Variants in SUMF1 observed in about 807,000 individuals in gnomAD.
The protein encoded by SUMF1 is sulfatase modifying factor 1, also known as formylglycine-generating enzyme.
Under a neutral mutation model 47.6 loss-of-function variants are expected in SUMF1, and 48 were observed. The observed-to-expected ratio is 1.01, with a 90% CI of 0.80 to 1.28. The LOEUF is 1.28. Ranked by LOEUF, SUMF1 falls within the 50% of genes most tolerant of loss-of-function variation. SUMF1 has a pLI of 0.00. For synonymous variants in SUMF1, 230 were observed against 192.1 expected (o/e 1.20, Z -1.63); for missense variants, 571 against 485.4 (o/e 1.18, Z -1.66).
At chr3:4,039,209 ATTTTTTTT>A (rs775459424) in intron 9 of SUMF1, among the ~76,000 whole-genome samples, 6 of 39,472 alleles carry the variant, frequency 1.5e-4, no homozygotes, top group East Asian at 1.6e-3. Flanking sequence ...ATCTATGCAA[ATTTTTTTT>A]TTTTTTTTTT....
At chr3:4,246,080 A>T (rs1298058553) in intron 8 of SUMF1, among the ~76,000 whole-genome samples, 1 of 152,152 alleles carries the variant, frequency 6.6e-6, no homozygotes, top group Non-Finnish European at 1.5e-5. Flanking sequence ...TACGGGAGGG[A>T]ATCTCCTGGT....
At chr3:4,275,191 A>G (rs149734143) in intron 8 of SUMF1, among the ~76,000 whole-genome samples, 45 of 152,320 alleles carry the variant, frequency 3.0e-4, no homozygotes, top group African/African-American at 9.9e-4. Flanking sequence ...TGGTAGAATA[A>G]TAGAAGCAAG....
chr3:4,161,523 CT>C (rs1342071021), intron 8 of SUMF1, among the ~76,000 whole-genome samples: 2 of 152,134 alleles, frequency 1.3e-5, no homozygotes, highest in Non-Finnish European at 2.9e-5. Context: ...AGACAAAGTC[CT>C]TCCCACTTTC....
At chr3:4,299,808 T>A (rs1317589485) in intron 8 of SUMF1, among the ~76,000 whole-genome samples, 1 of 152,058 alleles carries the variant, frequency 6.6e-6, no homozygotes, top group Non-Finnish European at 1.5e-5. Flanking sequence ...AGACTCCACC[T>A]CAAAAAATAA....
At position 4,209,324 on chromosome 3, in the gene SUMF1, A is replaced by G. The variant is rs1695728159; in HGVS notation, c.1015-140579T>C. 2.0e-5 allele frequency among the ~76,000 whole-genome samples: 3 copies of G among 152,190 alleles called. No homozygotes were observed. The South Asian group carries it at 6.2e-4, about 32-fold the overall frequency. On this transcript the variant is annotated intron_variant and NMD_transcript_variant, in intron 8 of 12. Coordinates refer to the SUMF1 transcript ENST00000448413. ...AGGTACTGTTTAATTATGTGCAAAC[A>G]TCATGGAGAACAAAACACTAACTGA... is the stretch of plus-strand genomic sequence containing the variant.
chr3:4,185,487 C>T (rs1695182356), intron 8 of SUMF1, among the ~76,000 whole-genome samples: 1 of 152,176 alleles, frequency 6.6e-6, no homozygotes, highest in Non-Finnish European at 1.5e-5. Flanking sequence ...TTTCTGTCCT[C>T]AACAGATATA....
At chr3:4,187,104 T>A (rs1410182543) in intron 8 of SUMF1, among the ~76,000 whole-genome samples, 1 of 152,194 alleles carries the variant, frequency 6.6e-6, no homozygotes, top group African/African-American at 2.4e-5. Flanking sequence ...GCACAATGGC[T>A]CATGCCTATA....
At chr3:4,127,954 G>A (rs1559493172) in intron 8 of SUMF1, among the ~76,000 whole-genome samples, 3 of 152,182 alleles carry the variant, frequency 2.0e-5, no homozygotes, top group African/African-American at 4.8e-5. Flanking sequence ...CTGATTCATC[G>A]CTCATGAAAG....
chr3:4,287,597 C>T (rs184676630), intron 8 of SUMF1, among the ~76,000 whole-genome samples: 1 of 152,214 alleles, frequency 6.6e-6, no homozygotes, highest in South Asian at 2.1e-4. Flanking sequence ...AAGATAGGAC[C>T]TCACCAAAAG....
intron 8 of SUMF1, among the ~76,000 whole-genome samples, chr3:4,261,042 TA>T (rs1697075089): frequency 6.6e-6 from 1 of 152,156 alleles, no homozygotes; most frequent in Non-Finnish European, 1.5e-5. Context: ...GATAAGTTGT[TA>T]CACCAACAAT....
At chr3:4,370,386 C>T (rs1700133153) in intron 8 of SUMF1, among the ~76,000 whole-genome samples, 1 of 152,208 alleles carries the variant, frequency 6.6e-6, no homozygotes, top group Non-Finnish European at 1.5e-5. Context: ...TGTGGATATA[C>T]ATTTGCTACA....
chr3:4,222,000 T>A (rs1260396580), intron 8 of SUMF1, among the ~76,000 whole-genome samples: 1 of 152,000 alleles, frequency 6.6e-6, no homozygotes, highest in Non-Finnish European at 1.5e-5. Flanking sequence ...ATTTTCATTG[T>A]AAAAAAATTT....
At chr3:4,276,679 T>C (rs1246877397) in intron 8 of SUMF1, among the ~76,000 whole-genome samples, 3 of 152,192 alleles carry the variant, frequency 2.0e-5, no homozygotes, top group African/African-American at 7.2e-5. Context: ...ATAAATTTTC[T>C]ATGGTTCTTG....
chr3:4,420,912 C>A (rs1020886525), intron 3 of SUMF1, among the ~76,000 whole-genome samples: 1 of 152,136 alleles, frequency 6.6e-6, no homozygotes, highest in African/African-American at 2.4e-5. Context: ...CAACTTCCAA[C>A]CCAACATTAG....
intron 8 of SUMF1, among the ~76,000 whole-genome samples, chr3:4,247,640 T>C (rs1230436470): frequency 6.6e-6 from 1 of 152,088 alleles, no homozygotes; most frequent in African/African-American, 2.4e-5. Context: ...AGACATGAGT[T>C]AGAGCAAGCA....
At chr3:4,248,314 CACACACTTAAGGA>C (rs1211957745) in intron 8 of SUMF1, among the ~76,000 whole-genome samples, 3 of 152,156 alleles carry the variant, frequency 2.0e-5, no homozygotes, top group Non-Finnish European at 1.5e-5. Context: ...CTACAAGAAC[CACACACTTAAGGA>C]GGGGGAGAAA....
chr3:4,129,961 T>C (rs764585343), intron 8 of SUMF1, among the ~76,000 whole-genome samples: 1 of 151,920 alleles, frequency 6.6e-6, no homozygotes, highest in Non-Finnish European at 1.5e-5. Context: ...TCTGGTAGGG[T>C]GAGGGCTATT....
At chr3:4,067,669 C>CT (rs1695409091) in intron 9 of SUMF1, among the ~76,000 whole-genome samples, 2 of 152,292 alleles carry the variant, frequency 1.3e-5, no homozygotes, top group South Asian at 4.1e-4. Flanking sequence ...TCTCTATGGA[C>CT]ATTAACACAG....
intron 8 of SUMF1, among the ~76,000 whole-genome samples, chr3:4,188,930 A>G (rs143534364): frequency 6.6e-6 from 1 of 152,298 alleles, no homozygotes; most frequent in East Asian, 1.9e-4. Context: ...AATCTTAGTT[A>G]TTAGCTATTG....
Sources: gnomAD v4.1 joint callset for allele counts (sites outside exome capture counted in the v4.1 genomes callset) on GRCh38, gnomAD v4.1.1 for gene constraint, MANE v1.5 for transcripts, NCBI Gene and HGNC (gene_info 2026-07-23, HGNC 2026-07-21) for gene names.